The following SMIM41 variants were observed in gnomAD, a reference collection of about 807,000 sequenced individuals.
SMIM41 encodes small integral membrane protein 41.
At chr12:52,088,780 C>A (rs1565666381) in intron 2 of SMIM41, among the ~76,000 whole-genome samples, 3 of 152,186 alleles carry the variant, frequency 2.0e-5, no homozygotes. Flanking sequence ...GTTTCACACT[C>A]CCTCAATGTG....
chr12:52,105,295 T>A (rs879025679), intron 2 of SMIM41, among the ~76,000 whole-genome samples: 1 of 147,986 alleles, frequency 6.8e-6, no homozygotes, highest in African/African-American at 2.6e-5. Flanking sequence ...TCATTCGGGA[T>A]GCATCTCTCC....
chr12:52,104,429 C>T (rs1299167693), intron 2 of SMIM41: 3,884 of 156,498 alleles, frequency 0.025, no homozygotes, highest in African/African-American at 0.084. Flanking sequence ...TTCTTGCCAG[C>T]CTTGAGGATG....
In SMIM41 at chr12:52,080,108, T is replaced by C; in HGVS notation, c.*47T>C. On this transcript the variant is annotated 3_prime_UTR_variant, in exon 1 of 3. Coordinates refer to ENST00000546390, the MANE Select transcript of SMIM41 (RefSeq NM_001369216.1). ...TCGCGGCCTCCAGGCAGCCCCTGAC[T>C]CCGAGCGGTCCGGAGCATGCCCGAC... 1 of 350,308 alleles carries C rather than the reference T, an allele frequency of 2.9e-6. No individual in the cohort carries two copies. The highest frequency in any genetic ancestry group is 5.1e-6 in the Non-Finnish European group (1 of 194,780). 21.7% of individuals were successfully genotyped at this position (350,308 alleles called of 1,614,324 possible).
intron 1 of SMIM41, among the ~76,000 whole-genome samples, chr12:52,083,571 C>T (rs536346440): frequency 1.3e-5 from 2 of 152,308 alleles, no homozygotes; most frequent in South Asian, 4.1e-4. Flanking sequence ...AAGCCACCCT[C>T]ACGCCAGCAC....
chr12:52,101,957 C>A (rs1940225521), intron 2 of SMIM41, among the ~76,000 whole-genome samples: 1 of 152,218 alleles, frequency 6.6e-6, no homozygotes, highest in Non-Finnish European at 1.5e-5. Context: ...AGGTGATCCG[C>A]CCACCTCGGC....
intron 2 of SMIM41, among the ~76,000 whole-genome samples, chr12:52,105,160 G>A (rs1330826468): frequency 6.6e-6 from 1 of 152,176 alleles, no homozygotes; most frequent in Non-Finnish European, 1.5e-5. Flanking sequence ...CCTGCTCACT[G>A]TGCCCTTCCT....
chr12:52,096,285 C>T (rs1472007421), intron 2 of SMIM41, among the ~76,000 whole-genome samples: 2 of 151,888 alleles, frequency 1.3e-5, no homozygotes, highest in Non-Finnish European at 2.9e-5. Context: ...GCAATATCAC[C>T]GGGTGGATGT....
intron 2 of SMIM41, among the ~76,000 whole-genome samples, chr12:52,088,852 C>G (rs907049097): frequency 6.6e-6 from 1 of 152,142 alleles, no homozygotes; most frequent in Non-Finnish European, 1.5e-5. Flanking sequence ...CCTCTTGATT[C>G]CCTGCTCCTG....
At chr12:52,095,391 G>T (rs1360832086) in intron 2 of SMIM41, among the ~76,000 whole-genome samples, 1 of 151,958 alleles carries the variant, frequency 6.6e-6, no homozygotes, top group Non-Finnish European at 1.5e-5. Flanking sequence ...ATCCACGGTG[G>T]TCCCATAGCG....
chr12:52,089,670 G>A (rs753250835), intron 2 of SMIM41, among the ~76,000 whole-genome samples: 9 of 152,146 alleles, frequency 5.9e-5, no homozygotes, highest in East Asian at 1.9e-4. Context: ...CCTCCGCCTC[G>A]CTTCCGGTGG....
Position 52,079,865 on chromosome 12 carries a change from C to T in SMIM41, c.86C>T (p.Pro29Leu), listed in dbSNP as rs77130816. ...CAGTCGGCGTCGCCGCCGGAGCCCC[C>T]CGAGGGGCCGCGCGCGGTGCAGGCG... is the stretch of plus-strand genomic sequence containing the variant. Reference protein sequence around the residue: ...CNQSASPPEPPEGPRAVQAVV... With the variant: ...CNQSASPPEPLEGPRAVQAVV... The change falls in exon 1 of 3, where the codon CCC becomes CTC. Residue 29 changes from proline (P) to leucine (L), a missense_variant. Pro to Leu is a moderately conservative substitution (Grantham distance 98, BLOSUM62 -3). Coordinates refer to ENST00000546390, the MANE Select transcript of SMIM41 (RefSeq NM_001369216.1). 909 of 391,832 alleles carry T rather than the reference C, an allele frequency of 2.3e-3. 5 individuals are homozygous for T. The highest frequency in any genetic ancestry group is 0.017 in the African/African-American group (808 of 48,396). The allele number at this position is 391,832 out of a possible 1,614,324, so 24.3% of individuals were successfully genotyped here. A position where few individuals can be genotyped will look rare whatever the true frequency, so the allele number is the denominator to read the frequency against.
intron 2 of SMIM41, among the ~76,000 whole-genome samples, chr12:52,098,944 T>C (rs747740491): frequency 2.6e-5 from 4 of 151,666 alleles, no homozygotes; most frequent in Non-Finnish European, 5.9e-5. Flanking sequence ...CCTCTTTCGC[T>C]CTGGATATTA....
chr12:52,098,723 G>T (rs888656072), intron 2 of SMIM41, among the ~76,000 whole-genome samples: 9 of 114,520 alleles, frequency 7.9e-5, no homozygotes, highest in Admixed American at 1.9e-4. Flanking sequence ...TGTATATTAG[G>T]AACAATATCA....
At chr12:52,080,625 A>T (rs111968981) in intron 1 of SMIM41, among the ~76,000 whole-genome samples, 2 of 151,986 alleles carry the variant, frequency 1.3e-5, no homozygotes, top group Admixed American at 6.6e-5. Flanking sequence ...CCTAGGCCCA[A>T]CTCTGCGGGC....
At chr12:52,107,118 G>A (rs899469186) in intron 2 of SMIM41, among the ~76,000 whole-genome samples, 2 of 152,210 alleles carry the variant, frequency 1.3e-5, no homozygotes, top group Non-Finnish European at 2.9e-5. Context: ...GGTATGTACA[G>A]CAAGAACTGA....
chr12:52,093,352 C>T (rs937431634), intron 2 of SMIM41, among the ~76,000 whole-genome samples: 1 of 152,192 alleles, frequency 6.6e-6, no homozygotes, highest in Non-Finnish European at 1.5e-5. Flanking sequence ...AACTATTTTA[C>T]CCAAACTTTG....
chr12:52,082,680 C>T (rs185987734), intron 1 of SMIM41, among the ~76,000 whole-genome samples: 67 of 151,820 alleles, frequency 4.4e-4, no homozygotes, highest in East Asian at 7.8e-4. Flanking sequence ...TAGCCTGCAC[C>T]GTCCATAGGG....
At chr12:52,087,046 C>T (rs1008522376) in intron 2 of SMIM41, among the ~76,000 whole-genome samples, 8 of 152,208 alleles carry the variant, frequency 5.3e-5, no homozygotes, top group African/African-American at 2.4e-5. Flanking sequence ...TCGCTGCAGC[C>T]AGCTCTCTCT....
rs1210082844 is a variant in SMIM41 at position 52,090,497 on chromosome 12, G to A, written c.*195+6529G>A. Among the ~76,000 whole-genome samples the A allele has an allele frequency of 2.6e-5, 4 of 152,190 alleles. No homozygotes were observed. In the East Asian group the frequency reaches 5.8e-4, roughly 22 times the overall value. ...AACAAGTGCTGAGACCCAGAGGAAG[G>A]AGCGCACCTGCTGTGGTCGGGGAAC... On this transcript the variant is annotated intron_variant, in intron 2 of 2. Coordinates refer to ENST00000546390, the MANE Select transcript of SMIM41 (RefSeq NM_001369216.1).
Sources: allele counts gnomAD v4.1 joint callset (sites outside exome capture counted in the v4.1 genomes callset), GRCh38; gene constraint gnomAD v4.1.1; transcripts MANE v1.5; gene names NCBI Gene and HGNC (gene_info 2026-07-23, HGNC 2026-07-21).